Variants in GAN observed in about 807,000 individuals in gnomAD.
GAN encodes the protein gigaxonin, also known as epididymis secretory sperm binding protein.
GAN carries 48 observed loss-of-function variants against 71.3 expected under a neutral mutation model. That is an observed-to-expected ratio of 0.67 (90% CI 0.53 to 0.86). GAN has a LOEUF of 0.86. GAN is among the 40% of genes least tolerant of loss of function. GAN has a pLI of 0.00. For missense variants in GAN, 928 were observed against 770.1 expected, an observed-to-expected ratio of 1.21 and a Z score of -2.43; for synonymous variants, 386 against 276.8, an observed-to-expected ratio of 1.39 and a Z score of -3.92.
chr16:81,319,576 T>C (rs778004237), intron 1 of GAN, among the ~76,000 whole-genome samples: 7 of 152,182 alleles, frequency 4.6e-5, no homozygotes, highest in Non-Finnish European at 1.0e-4. Context: ...TTGTAAAATT[T>C]AGGGTTTTCT....
chr16:81,328,142 C>T (rs144410324), intron 1 of GAN, among the ~76,000 whole-genome samples: 34 of 152,212 alleles, frequency 2.2e-4, no homozygotes, highest in African/African-American at 7.5e-4. Flanking sequence ...CAAAATGACG[C>T]GAACTAGATT....
chr16:81,356,792 T>C lies in GAN; in HGVS notation c.641T>C (p.Met214Thr). 6 of 1,608,936 alleles carry C rather than the reference T, an allele frequency of 3.7e-6. No homozygotes were observed. Among genetic ancestry groups the C allele is most frequent in the Non-Finnish European group, 5.1e-6 (6 of 1,175,258 alleles). The change falls in exon 4 of 11, where the codon ATG becomes ACG. Residue 214 changes from methionine to threonine, a missense_variant. Transcript: ENST00000648994. ...AHDTEIRKVH[M>T]KDVMSALWVS... The stretch of plus-strand genomic sequence containing the variant: ...TTCTTCCCTCTTCTGCAGGTCCACA[T>C]GAAGGATGTTATGTCAGCTCTGTGG...
intron 9 of GAN, among the ~76,000 whole-genome samples, chr16:81,366,342 C>T (rs1910855638): frequency 6.6e-6 from 1 of 152,200 alleles, no homozygotes; most frequent in Non-Finnish European, 1.5e-5. Flanking sequence ...TTCTTAAAAC[C>T]TCTGACAAGT....
intron 9 of GAN, among the ~76,000 whole-genome samples, chr16:81,374,933 C>G (rs1353964624): frequency 6.6e-6 from 1 of 152,194 alleles, no homozygotes; most frequent in African/African-American, 2.4e-5. Context: ...AGAAAGTGAA[C>G]TGTGATTCAT....
intron 5 of GAN, 149 bp downstream of exon 5, chr16:81,358,080 G>A (rs1910551460): frequency 2.7e-6 from 2 of 741,894 alleles, no homozygotes; most frequent in Non-Finnish European, 4.7e-6. Flanking sequence ...TGAGACCGTG[G>A]TTAGGAAAAC....
chr16:81,351,736 G>T (rs1199566104), intron 2 of GAN, 39 bp downstream of exon 2: 2 of 904,492 alleles, frequency 2.2e-6, no homozygotes. Context: ...CTAAGTAGAG[G>T]CTTCTCAAGC....
intron 5 of GAN, among the ~76,000 whole-genome samples, chr16:81,361,802 C>T (rs976575016): frequency 6.6e-6 from 1 of 152,180 alleles, no homozygotes; most frequent in Admixed American, 6.5e-5. Context: ...TCAAGCGATC[C>T]TCCCATTTCA....
At chr16:81,355,533 G>C (rs960617705) in intron 3 of GAN, among the ~76,000 whole-genome samples, 2 of 152,084 alleles carry the variant, frequency 1.3e-5, no homozygotes, top group African/African-American at 2.4e-5. Flanking sequence ...CTAGCTAATT[G>C]TTTGATTTTT....
intron 1 of GAN, among the ~76,000 whole-genome samples, chr16:81,339,719 A>G (rs1287221269): frequency 6.6e-6 from 1 of 152,204 alleles, no homozygotes; most frequent in Non-Finnish European, 1.5e-5. Flanking sequence ...GCGGAGGTGC[A>G]GCTTGTGGCA....
intron 1 of GAN, among the ~76,000 whole-genome samples, chr16:81,323,158 A>T: frequency 6.6e-6 from 1 of 152,170 alleles, no homozygotes; most frequent in East Asian, 1.9e-4. Flanking sequence ...CTTACATGAA[A>T]GTTGGTACAG....
intron 1 of GAN, among the ~76,000 whole-genome samples, chr16:81,318,017 G>A (rs1909102264): frequency 6.6e-6 from 1 of 152,200 alleles, no homozygotes. Flanking sequence ...CTGTTTCAAA[G>A]TAATTTGACG....
intron 5 of GAN, among the ~76,000 whole-genome samples, chr16:81,362,269 G>A (rs530501645): frequency 2.0e-3 from 298 of 152,306 alleles, no homozygotes; most frequent in Middle Eastern, 0.01. Context: ...CTTTTTCATT[G>A]TAGGGTGGTG....
At chr16:81,338,854 T>C (rs534256764) in intron 1 of GAN, among the ~76,000 whole-genome samples, 25 of 152,352 alleles carry the variant, frequency 1.6e-4, no homozygotes, top group African/African-American at 5.0e-4. Context: ...TGAGAGGCCC[T>C]GATTTCCAAC....
At chr16:81,347,692 C>G (rs1217205508) in intron 1 of GAN, among the ~76,000 whole-genome samples, 2 of 152,186 alleles carry the variant, frequency 1.3e-5, no homozygotes, top group Non-Finnish European at 2.9e-5. Context: ...AAATAATTTT[C>G]TTTCAGAATT....
chr16:81,359,284 G>A (rs1382152723), intron 5 of GAN, among the ~76,000 whole-genome samples: 1 of 152,052 alleles, frequency 6.6e-6, no homozygotes, highest in Non-Finnish European at 1.5e-5. Context: ...ATATTTGAAA[G>A]TTTGCTAGAG....
intron 8 of GAN, 74 bp downstream of exon 8, chr16:81,365,184 C>T: frequency 6.3e-7 from 1 of 1,575,346 alleles, no homozygotes; most frequent in Non-Finnish European, 8.7e-7. Context: ...CCCTGCCTGG[C>T]TTTTGTTCTT....
At chr16:81,361,566 T>C (rs1910673231) in intron 5 of GAN, among the ~76,000 whole-genome samples, 1 of 152,218 alleles carries the variant, frequency 6.6e-6, no homozygotes, top group African/African-American at 2.4e-5. Context: ...GACAAAAGGT[T>C]TAAATTTTCC....
At chr16:81,321,667 T>C (rs1407076161) in intron 1 of GAN, among the ~76,000 whole-genome samples, 5 of 152,218 alleles carry the variant, frequency 3.3e-5, no homozygotes, top group Admixed American at 3.3e-4. Flanking sequence ...AAATAAGGGT[T>C]CATTTGGTCT....
At position 81,354,715 on chromosome 16, in the gene GAN, C is replaced by G; in HGVS notation, c.593C>G (p.Ala198Gly). Reference protein sequence around the residue: ...NVGNERYVFEAVIRWIAHDTE... With the variant: ...NVGNERYVFEGVIRWIAHDTE... ...GGCAATGAAAGATATGTCTTTGAAG[C>G]AGTAATTCGATGGATAGCACATGAT... Residue 198 changes from alanine to glycine, a missense_variant, in exon 3 of 11, where the codon GCA (alanine) becomes GGA (glycine). Coordinates refer to ENST00000648994, the MANE Select transcript of GAN (RefSeq NM_022041.4). 1 of 1,609,698 alleles carries G rather than the reference C, an allele frequency of 6.2e-7. No homozygotes were observed. The highest frequency in any genetic ancestry group is 8.5e-7 in the Non-Finnish European group (1 of 1,175,914).
Sources: allele counts gnomAD v4.1 joint callset (sites outside exome capture counted in the v4.1 genomes callset), GRCh38; gene constraint gnomAD v4.1.1; transcripts MANE v1.5; gene names NCBI Gene and HGNC (gene_info 2026-07-23, HGNC 2026-07-21).